MCM4: variants seen among roughly 807,000 people sequenced by gnomAD.
The protein encoded by MCM4 is DNA replication licensing factor MCM4.
A neutral mutation model predicts 88.7 loss-of-function variants in MCM4; 60 were observed. The ratio of observed to expected loss-of-function variants is 0.68; its 90% CI spans 0.55 to 0.84. The LOEUF (loss-of-function observed/expected upper bound fraction) is 0.84, where lower values mean the gene tolerates loss of function less well. Ranked by LOEUF, MCM4 falls within the 40% of genes least tolerant of loss-of-function variation. The pLI, the probability that MCM4 is intolerant of heterozygous loss-of-function variation, is 0.00. For missense variants in MCM4, 1,149 were observed against 1,105.5 expected (o/e 1.04, Z -0.56); for synonymous variants, 465 against 410.5 (o/e 1.13, Z -1.61).
chr8:47,968,005 G>A (rs2090915348), intron 10 of MCM4, among the ~76,000 whole-genome samples: 1 of 152,190 alleles, frequency 6.6e-6, no homozygotes, highest in Non-Finnish European at 1.5e-5. Context: ...GGGATGCATA[G>A]ACAGCAGTAG....
In MCM4 at chr8:47,963,018, G is replaced by A. The variant is rs767263289; in HGVS notation, c.671G>A (p.Arg224Lys). The change falls in exon 7 of 17, where the codon AGA (arginine) becomes AAA (lysine). Residue 224 changes from arginine to lysine, a missense_variant. Arg to Lys is a conservative substitution (Grantham distance 26, BLOSUM62 2). Around this residue, in one of 3 missense-constraint regions of MCM4, gnomAD observed 906 missense variants for 843.0 expected, o/e 1.07. Transcript: ENST00000649973. Reference protein sequence around the residue: ...HIKSFDKNLYRQLISYPQEVI... With the variant: ...HIKSFDKNLYKQLISYPQEVI... ...AAATCATTTGACAAAAATTTGTACA[G>A]ACAACTCATCTCTTACCCACAGGTA... 3.1e-6 allele frequency: 5 copies of A among 1,603,388 alleles called. No homozygotes were observed. Among genetic ancestry groups the A allele is most frequent in the Non-Finnish European group, 4.3e-6 (5 of 1,174,984 alleles).
Position 47,966,251 on chromosome 8 carries a change from G to A in MCM4, c.897G>A (p.Met299Ile), listed in dbSNP as rs770754729. ...GGACATCCCAGCTGATTCCCGAGAT[G>A]CAGGAGGCCTTCTTCCAGTGCCAAG... ...VIRTSQLIPE[M>I]QEAFFQCQVC... is the part of the protein sequence containing the mutation. Residue 299 changes from methionine (M) to isoleucine (I), a missense_variant, in exon 9 of 17, where the codon ATG (methionine) becomes ATA (isoleucine). Coordinates refer to ENST00000649973, the MANE Select transcript of MCM4 (RefSeq NM_182746.3). 6.2e-7 allele frequency: 1 copy of A among 1,614,104 alleles called. No individual in the cohort carries two copies. The highest frequency in any genetic ancestry group is 8.5e-7 in the Non-Finnish European group (1 of 1,180,028).
chr8:47,970,181 G>A, intron 11 of MCM4, 124 bp downstream of exon 11: 1 of 1,135,998 alleles, frequency 8.8e-7, no homozygotes, highest in Non-Finnish European at 1.3e-6. Context: ...GTTAGAGCAA[G>A]TGCTGGCAAC....
chr8:47,966,219 G>A lies in MCM4; in HGVS notation c.865G>A (p.Val289Met). Residue 289 changes from valine (V) to methionine (M), a missense_variant, in exon 9 of 17, where the codon GTG becomes ATG. Around this residue, in one of 3 missense-constraint regions of MCM4, gnomAD observed 906 missense variants for 843.0 expected, o/e 1.07. Coordinates refer to ENST00000649973, the MANE Select transcript of MCM4 (RefSeq NM_182746.3). ...CCAGCTCATCACCATCAGCGGCATGGTGATCAGGACATCCCAGCTGATTCC... is the reference window on the plus strand; with the variant it reads ...CCAGCTCATCACCATCAGCGGCATGATGATCAGGACATCCCAGCTGATTCC... ...IDQLITISGM[V>M]IRTSQLIPEM... 6.2e-7 allele frequency: 1 copy of A among 1,614,080 alleles called. No homozygotes were observed. Among genetic ancestry groups the A allele is most frequent in the South Asian group, 1.1e-5 (1 of 91,070 alleles).
chr8:47,965,508 C>T (rs1415349570), intron 8 of MCM4, among the ~76,000 whole-genome samples: 2 of 152,128 alleles, frequency 1.3e-5, no homozygotes, highest in East Asian at 3.8e-4. Context: ...GAATCAGTGG[C>T]AGGATAGGGT....
chr8:47,962,382 G>A lies in MCM4; in HGVS notation c.477G>A (p.Val159=), dbSNP rs1167397220. ...TGATCTGGGGAACAGATGTAAATGTGGCAGCATGCAAAGAAAACTTTCAGG... is the reference window on the plus strand; with the variant it reads ...TGATCTGGGGAACAGATGTAAATGTAGCAGCATGCAAAGAAAACTTTCAGG... The part of the protein sequence containing the change: ...KLVIWGTDVN[V]AACKENFQRF... Residue 159 remains valine (V), a synonymous_variant, in exon 5 of 17, where the codon GTG becomes GTA. Coordinates refer to ENST00000649973, the MANE Select transcript of MCM4 (RefSeq NM_182746.3). 2 of 1,614,090 alleles carry A rather than the reference G, an allele frequency of 1.2e-6. No individual in the cohort carries two copies. Among genetic ancestry groups the A allele is most frequent in the Non-Finnish European group, 1.7e-6 (2 of 1,180,046 alleles).
chr8:47,961,176 G>A lies in MCM4; in HGVS notation c.32G>A (p.Arg11His). 6.5e-7 allele frequency: 1 copy of A among 1,549,178 alleles called. No homozygotes were observed. Among genetic ancestry groups the A allele is most frequent in the South Asian group, 1.2e-5 (1 of 85,642 alleles). ...TCCCCGGCGTCGACCCCGAGCCGCCGCGGCAGCCGGCGTGGAAGGGCCACC... is the reference window on the plus strand; with the variant it reads ...TCCCCGGCGTCGACCCCGAGCCGCCACGGCAGCCGGCGTGGAAGGGCCACC... MSSPASTPSR[R>H]GSRRGRATPA... is the part of the protein sequence containing the mutation. Residue 11 changes from arginine to histidine, a missense_variant, in exon 2 of 17, where the codon CGC becomes CAC. Arg to His is a conservative substitution (Grantham distance 29, BLOSUM62 0). Around this residue, in one of 3 missense-constraint regions of MCM4, gnomAD observed 906 missense variants for 843.0 expected, o/e 1.07. Transcript: ENST00000649973.
In MCM4 at chr8:47,961,664, C is replaced by T; in HGVS notation, c.219C>T (p.Pro73=). 5 of 1,610,344 alleles carry T rather than the reference C, an allele frequency of 3.1e-6. No individual in the cohort carries two copies. Among genetic ancestry groups the T allele is most frequent in the Non-Finnish European group, 4.2e-6 (5 of 1,177,546 alleles). Residue 73 remains proline (P), a synonymous_variant, in exon 3 of 17, where the codon CCC becomes CCT. Coordinates refer to ENST00000649973, the MANE Select transcript of MCM4 (RefSeq NM_182746.3). Reference sequence around the variant, plus strand: ...AGGACGTGCTGTTTTCCAGCCCTCCCCAAATGCATTCTTCAGGTGCGTGTC... The same window carrying T: ...AGGACGTGCTGTTTTCCAGCCCTCCTCAAATGCATTCTTCAGGTGCGTGTC... ...AAQDVLFSSP[P]QMHSSAIPLD...
At chr8:47,962,433 C>G in intron 5 of MCM4, 27 bp downstream of exon 5, 1 of 1,606,640 alleles carries the variant, frequency 6.2e-7, no homozygotes, top group African/African-American at 1.3e-5. Flanking sequence ...AAAATTCTTA[C>G]TTTGGGCTCT....
At position 47,972,979 on chromosome 8, in the gene MCM4, T is replaced by C. The variant is rs148857053; in HGVS notation, c.2051T>C (p.Met684Thr). ...EEQAEEELLD[M>T]AVLKDYIAYA... ...CAGGCAGAGGAGGAGCTCCTGGACA[T>C]GGCGGTGCTAAAGGACTACATTGCC... Residue 684 changes from methionine (M) to threonine (T), a missense_variant, in exon 14 of 17, where the codon ATG (methionine) becomes ACG (threonine). By Grantham distance (81) the Met-to-Thr change is moderately conservative. Coordinates refer to ENST00000649973, the MANE Select transcript of MCM4 (RefSeq NM_182746.3). 36 of 1,614,034 alleles carry C rather than the reference T, an allele frequency of 2.2e-5. No individual in the cohort carries two copies. The African/African-American group carries it at 4.5e-4, about 20-fold the overall frequency.
At chr8:47,976,016 G>T (rs1284897755) in intron 16 of MCM4, among the ~76,000 whole-genome samples, 168 bp downstream of exon 16, 1 of 152,074 alleles carries the variant, frequency 6.6e-6, no homozygotes, top group African/African-American at 2.4e-5. Context: ...AAAATTTTTG[G>T]CTGGGTGCAG....
rs17287677 is a variant in MCM4 at position 47,970,735 on chromosome 8, A to G, written c.1659A>G (p.Thr553=). ...CGTACGTAATGAAAGACCCTGAGAC[A>G]AGGCAGCTGGTCCTGCAGACAGGTG... is the stretch of plus-strand genomic sequence containing the variant. The part of the protein sequence containing the change: ...LTAYVMKDPE[T]RQLVLQTGAL... Residue 553 remains threonine (T), a synonymous_variant, in exon 12 of 17, where the codon ACA becomes ACG. Transcript: ENST00000649973. 4.7e-4 allele frequency: 760 copies of G among 1,614,212 alleles called. 4 individuals are homozygous for G. The African/African-American group carries it at 9.5e-3, about 20-fold the overall frequency.
At chr8:47,964,055 C>A (rs1285906076) in intron 7 of MCM4, among the ~76,000 whole-genome samples, 1 of 152,110 alleles carries the variant, frequency 6.6e-6, no homozygotes, top group Non-Finnish European at 1.5e-5. Flanking sequence ...GAAACCCCGT[C>A]TCTATTAAAA....
At chr8:47,961,730 C>CT (rs1238310048) in intron 3 of MCM4, 50 bp downstream of exon 3, 1 of 1,549,548 alleles carries the variant, frequency 6.5e-7, no homozygotes, top group Non-Finnish European at 8.7e-7. Context: ...ACAGCTGATG[C>CT]TTTATCTGCT....
At position 47,961,542 on chromosome 8, in the gene MCM4, C is replaced by T. The variant is rs752402595; in HGVS notation, c.97C>T (p.Pro33Ser). 20 of 1,614,118 alleles carry T rather than the reference C, an allele frequency of 1.2e-5. No individual in the cohort carries two copies. Among genetic ancestry groups the T allele is most frequent in the South Asian group, 4.4e-5 (4 of 91,080 alleles). The change falls in exon 3 of 17, where the codon CCC becomes TCC. Residue 33 changes from proline to serine, a missense_variant. Around this residue, in one of 3 missense-constraint regions of MCM4, gnomAD observed 906 missense variants for 843.0 expected, o/e 1.07. Transcript: ENST00000649973. Reference sequence around the variant, plus strand: ...TCGGAGTGAGGATGCCAGGTCATCTCCCTCTCAGAGACGTAGAGGCGAGGA... The same window carrying T: ...TCGGAGTGAGGATGCCAGGTCATCTTCCTCTCAGAGACGTAGAGGCGAGGA... Reference protein sequence around the residue: ...TPRSEDARSSPSQRRRGEDST... With the variant: ...TPRSEDARSSSSQRRRGEDST...
chr8:47,973,936 A>T (rs983475539), intron 14 of MCM4: 1 of 152,222 alleles, frequency 6.6e-6, no homozygotes, highest in Non-Finnish European at 1.5e-5. Flanking sequence ...TGAATTTAAG[A>T]TCAAAGACCT....
At chr8:47,971,299 G>T (rs1046354664) in intron 12 of MCM4, 42 bp from the exon 13 acceptor site, 81 of 1,610,532 alleles carry the variant, frequency 5.0e-5, no homozygotes, top group Non-Finnish European at 6.7e-5. Context: ...TTAATTGCCA[G>T]CGTCAGGGAG....
chr8:47,966,803 A>G lies in MCM4; in HGVS notation c.1053+396A>G, dbSNP rs17287614. On this transcript the variant is annotated intron_variant, in intron 9 of 16. Transcript: ENST00000649973. ...TTGGTCTTTTTTCTCTATATTCATG[A>G]AATTTTAAGATGAAGTTATTAAAAT... is the stretch of plus-strand genomic sequence containing the variant. 2.5e-3 allele frequency among the ~76,000 whole-genome samples: 377 copies of G among 152,380 alleles called. 3 individuals are homozygous for G. Among genetic ancestry groups the G allele is most frequent in the African/African-American group, 8.8e-3 (368 of 41,588 alleles).
In MCM4 at chr8:47,972,588, C is replaced by T. The variant is rs17334486; in HGVS notation, c.1929-269C>T. ...GTTTGTTTTTTTGAGACAGAGTCTC[C>T]CTCTGTCGGCCAGGCTGGAGTGCAG... On this transcript the variant is annotated intron_variant, in intron 13 of 16. Transcript: ENST00000649973. 5.2e-3 allele frequency among the ~76,000 whole-genome samples: 790 copies of T among 152,060 alleles called. 12 individuals carry two copies. Among genetic ancestry groups the T allele is most frequent in the African/African-American group, 0.018 (765 of 41,480 alleles).
Sources: allele counts gnomAD v4.1 joint callset (sites outside exome capture counted in the v4.1 genomes callset), GRCh38; gene constraint gnomAD v4.1.1; regional missense constraint gnomAD v4.1.1; transcripts MANE v1.5; gene names NCBI Gene and HGNC (gene_info 2026-07-23, HGNC 2026-07-21).